ALX1: variants seen among roughly 807,000 people sequenced by gnomAD.
The protein encoded by ALX1 is ALX homeobox 1.
Under a neutral mutation model 31.7 loss-of-function variants are expected in ALX1, and 19 were observed. The ratio of observed to expected loss-of-function variants is 0.60; its 90% CI spans 0.42 to 0.88. ALX1 has a LOEUF of 0.88. ALX1 is among the 40% of genes least tolerant of loss of function. The pLI is 0.00. For synonymous variants in ALX1, 153 were observed against 148.8 expected (o/e 1.03, Z -0.20); for missense variants, 415 against 407.8 (o/e 1.02, Z -0.15).
At chr12:85,298,695 G>A (rs1896921276) in intron 3 of ALX1, among the ~76,000 whole-genome samples, 1 of 151,650 alleles carries the variant, frequency 6.6e-6, no homozygotes, top group African/African-American at 2.4e-5. Context: ...AATATTTAGG[G>A]TATCTTCACA....
intron 3 of ALX1, among the ~76,000 whole-genome samples, chr12:85,297,620 A>G (rs1896907238): frequency 6.6e-6 from 1 of 151,594 alleles, no homozygotes; most frequent in South Asian, 2.1e-4. Flanking sequence ...ATTGGTGTAC[A>G]AAGAATTTTT....
rs1156912114 is a variant in ALX1, at chr12:85,301,389, C to A, written c.895C>A (p.Pro299Thr). ...ATNGHAFETK[P>T]EFERRSSSIA... ...CAATGGACATGCATTTGAAACAAAG[C>A]CAGAGTTTGAAAGGAGGTCTTCCAG... The change falls in exon 4 of 4, where the codon CCA becomes ACA. Residue 299 changes from proline (P) to threonine (T), a missense_variant. Pro to Thr is a conservative substitution (Grantham distance 38). This residue lies in a region of ALX1 where 174 missense variants were observed against 177.5 expected (regional missense o/e 0.98). Coordinates refer to ENST00000316824, the MANE Select transcript of ALX1 (RefSeq NM_006982.3). 6.2e-7 allele frequency: 1 copy of A among 1,613,916 alleles called. No individual in the cohort carries two copies. The highest frequency in any genetic ancestry group is 1.3e-5 in the African/African-American group (1 of 74,872).
intron 2 of ALX1, among the ~76,000 whole-genome samples, chr12:85,284,784 G>A (rs1419112877): frequency 1.3e-5 from 2 of 151,992 alleles, no homozygotes; most frequent in Admixed American, 6.6e-5. Context: ...AATGGCCTTG[G>A]TCTTTGTGTG....
At chr12:85,298,417 A>G (rs1461109167) in intron 3 of ALX1, among the ~76,000 whole-genome samples, 3 of 151,810 alleles carry the variant, frequency 2.0e-5, no homozygotes, top group Non-Finnish European at 4.4e-5. Context: ...TCATCATCAA[A>G]TGTTTAAACA....
intron 1 of ALX1, 22 bp downstream of exon 1, chr12:85,280,509 C>G (rs779440782): frequency 5.0e-6 from 8 of 1,605,350 alleles, no homozygotes; most frequent in South Asian, 1.1e-5. Context: ...GCGCCCCAGC[C>G]GGAGCCGCCG....
At chr12:85,286,461 C>T (rs1278726285) in intron 2 of ALX1, among the ~76,000 whole-genome samples, 2 of 151,882 alleles carry the variant, frequency 1.3e-5, no homozygotes, top group African/African-American at 2.4e-5. Context: ...ACTGAGTTTA[C>T]GTTACGGCAT....
intron 3 of ALX1, among the ~76,000 whole-genome samples, chr12:85,300,063 T>C (rs2137395228): frequency 6.6e-6 from 1 of 152,054 alleles, no homozygotes; most frequent in African/African-American, 2.4e-5. Flanking sequence ...CCATGCAACA[T>C]TTTCTTTTTT....
chr12:85,292,920 T>C (rs561843188), intron 3 of ALX1, among the ~76,000 whole-genome samples: 6 of 150,306 alleles, frequency 4.0e-5, no homozygotes, highest in African/African-American at 1.2e-4. Context: ...ATATTTGAAG[T>C]AAACAAACCA....
intron 3 of ALX1, among the ~76,000 whole-genome samples, chr12:85,293,465 T>C (rs1356670762): frequency 6.6e-6 from 1 of 150,636 alleles, no homozygotes; most frequent in Non-Finnish European, 1.5e-5. Flanking sequence ...TTTAATTAAT[T>C]TTTATTCTGT....
intron 3 of ALX1, among the ~76,000 whole-genome samples, chr12:85,291,385 C>T (rs1203060376): frequency 6.6e-6 from 1 of 150,948 alleles, no homozygotes. Context: ...CCCAAGAAAC[C>T]ATAAATCTAA....
chr12:85,299,263 A>G (rs934456367), intron 3 of ALX1, among the ~76,000 whole-genome samples: 1 of 151,564 alleles, frequency 6.6e-6, no homozygotes, highest in East Asian at 1.9e-4. Flanking sequence ...AATCACGCAG[A>G]TGAAGTTAGA....
At chr12:85,286,327 T>A (rs1896747139) in intron 2 of ALX1, among the ~76,000 whole-genome samples, 1 of 151,946 alleles carries the variant, frequency 6.6e-6, no homozygotes, top group Non-Finnish European at 1.5e-5. Flanking sequence ...TTAGGTGTAA[T>A]CTTTATGTTT....
Position 85,301,618 on chromosome 12 carries a change from G to A in ALX1, c.*143G>A. The A allele has an allele frequency of 2.4e-6, 2 of 841,324 alleles. No homozygotes were observed. The highest frequency in any genetic ancestry group is 3.7e-6 in the Non-Finnish European group (2 of 541,882). 52.1% of individuals were successfully genotyped at this position (841,324 alleles called of 1,614,324 possible). A position where few individuals can be genotyped will look rare whatever the true frequency, so the allele number is the denominator to read the frequency against. ...GTGAGACCAGCTTAAATGAATAGTT[G>A]TTATTTAACATTAAAATCTAAGAAT... On this transcript the variant is annotated 3_prime_UTR_variant, in exon 4 of 4. Coordinates refer to ENST00000316824, the MANE Select transcript of ALX1 (RefSeq NM_006982.3).
At chr12:85,300,625 G>T (rs969139482) in intron 3 of ALX1, among the ~76,000 whole-genome samples, 1 of 151,962 alleles carries the variant, frequency 6.6e-6, no homozygotes, top group African/African-American at 2.4e-5. Flanking sequence ...ATACGAAAAA[G>T]CAATAGGAGG....
chr12:85,297,800 T>C (rs1896909197), intron 3 of ALX1, among the ~76,000 whole-genome samples: 1 of 151,616 alleles, frequency 6.6e-6, no homozygotes, highest in South Asian at 2.1e-4. Flanking sequence ...TGTTTAATAA[T>C]AAAAATAAAG....
intron 2 of ALX1, among the ~76,000 whole-genome samples, chr12:85,284,449 A>T (rs1896723053): frequency 1.3e-5 from 2 of 152,038 alleles, no homozygotes. Flanking sequence ...ACAATTTTAT[A>T]GTCCTAGTAG....
intron 2 of ALX1, among the ~76,000 whole-genome samples, chr12:85,284,108 A>C (rs1896717120): frequency 6.6e-6 from 1 of 152,148 alleles, no homozygotes; most frequent in Non-Finnish European, 1.5e-5. Flanking sequence ...GAGACATAAA[A>C]ATTAACAATC....
chr12:85,280,346 G>C lies in ALX1; in HGVS notation c.85G>C (p.Glu29Gln). 6.2e-7 allele frequency: 1 copy of C among 1,613,878 alleles called. No individual in the cohort carries two copies. The highest frequency in any genetic ancestry group is 8.5e-7 in the Non-Finnish European group (1 of 1,180,028). ...DFYMGAGGPLEHVMETLDNES... is the reference protein window; with the variant it reads ...DFYMGAGGPLQHVMETLDNES... The stretch of plus-strand genomic sequence containing the variant: ...TTACATGGGCGCAGGAGGTCCTCTG[G>C]AGCACGTTATGGAGACGCTGGACAA... Residue 29 changes from glutamate (E) to glutamine (Q), a missense_variant, in exon 1 of 4, where the codon GAG (glutamate) becomes CAG (glutamine). This residue lies in a region of ALX1 where 235 missense variants were observed against 208.9 expected (regional missense o/e 1.13). Coordinates refer to ENST00000316824, the MANE Select transcript of ALX1 (RefSeq NM_006982.3).
Position 85,286,709 on chromosome 12 carries a change from G to A in ALX1, c.532-144G>A, listed in dbSNP as rs1896751780. 5 of 784,806 alleles carry A rather than the reference G, an allele frequency of 6.4e-6. No homozygotes were observed. In the Middle Eastern group the frequency reaches 1.2e-3, roughly 183 times the overall value. 48.6% of individuals were successfully genotyped at this position (784,806 alleles called of 1,614,324 possible). ...CAAGATACAAGAAAAAGTAAAATCT[G>A]TGGATCCTTTTCTAACATAAATACA... On this transcript the variant is annotated intron_variant, in intron 2 of 3. Coordinates refer to ENST00000316824, the MANE Select transcript of ALX1 (RefSeq NM_006982.3).
Sources: gnomAD v4.1 joint callset for allele counts (sites outside exome capture counted in the v4.1 genomes callset) on GRCh38, gnomAD v4.1.1 for gene constraint, gnomAD v4.1.1 regional missense constraint, MANE v1.5 for transcripts, NCBI Gene and HGNC (gene_info 2026-07-23, HGNC 2026-07-21) for gene names.